The following EYA4 variants were observed in gnomAD, a reference collection of about 807,000 sequenced individuals.
EYA4 encodes the protein protein phosphatase EYA4.
EYA4 carries 31 observed loss-of-function variants against 87.9 expected under a neutral mutation model. The observed-to-expected ratio is 0.35, with a 90% CI of 0.27 to 0.48. EYA4 has a LOEUF of 0.48. EYA4 is among the 20% of genes least tolerant of loss of function. EYA4 has a pLI of 0.99. For missense variants in EYA4, 678 were observed against 761.4 expected (o/e 0.89, Z 1.29); for synonymous variants, 263 against 270.6 (o/e 0.97, Z 0.28).
intron 1 of EYA4, among the ~76,000 whole-genome samples, chr6:133,261,554 C>T (rs1038740557): frequency 7.9e-5 from 12 of 152,052 alleles, no homozygotes; most frequent in Non-Finnish European, 1.6e-4. Context: ...ATGACTTAAT[C>T]GAGGAGTTGT....
At chr6:133,387,767 A>G (rs1786877474) in intron 3 of EYA4, among the ~76,000 whole-genome samples, 1 of 152,200 alleles carries the variant, frequency 6.6e-6, no homozygotes, top group Non-Finnish European at 1.5e-5. Context: ...GAGTCATATT[A>G]TAGCTTAATC....
chr6:133,423,786 T>A (rs1790419727), intron 3 of EYA4, among the ~76,000 whole-genome samples: 1 of 152,194 alleles, frequency 6.6e-6, no homozygotes, highest in African/African-American at 2.4e-5. Flanking sequence ...CTCCTGCCCC[T>A]TAATAATTTA....
chr6:133,257,877 A>G (rs1359952568), intron 1 of EYA4, among the ~76,000 whole-genome samples: 1 of 150,102 alleles, frequency 6.7e-6, no homozygotes, highest in Non-Finnish European at 1.5e-5. Flanking sequence ...GCATGCATTT[A>G]TGCACTATTG....
chr6:133,321,038 G>C (rs947728577), intron 2 of EYA4, among the ~76,000 whole-genome samples: 2 of 152,152 alleles, frequency 1.3e-5, no homozygotes, highest in Admixed American at 6.5e-5. Context: ...GCACTTCAAA[G>C]ATGTTATCCT....
intron 13 of EYA4, among the ~76,000 whole-genome samples, chr6:133,492,774 C>T (rs1797299714): frequency 6.6e-6 from 1 of 152,192 alleles, no homozygotes; most frequent in South Asian, 2.1e-4. Flanking sequence ...CAGAATCAAT[C>T]AACATACAAA....
At chr6:133,381,978 T>C (rs1030902344) in intron 2 of EYA4, among the ~76,000 whole-genome samples, 1 of 152,218 alleles carries the variant, frequency 6.6e-6, no homozygotes, top group Non-Finnish European at 1.5e-5. Flanking sequence ...ATGAACATTT[T>C]AGTTAATGCT....
intron 2 of EYA4, among the ~76,000 whole-genome samples, chr6:133,333,078 C>G (rs1782103364): frequency 6.6e-6 from 1 of 152,094 alleles, no homozygotes; most frequent in Non-Finnish European, 1.5e-5. Flanking sequence ...TTATTTTAGA[C>G]CTACCATGTG....
chr6:133,321,102 G>A (rs1414517408), intron 2 of EYA4, among the ~76,000 whole-genome samples: 1 of 152,162 alleles, frequency 6.6e-6, no homozygotes, highest in Non-Finnish European at 1.5e-5. Context: ...TGAATGACAC[G>A]TTGTTGCTAA....
At chr6:133,315,544 C>A (rs1780558721) in intron 2 of EYA4, among the ~76,000 whole-genome samples, 1 of 150,182 alleles carries the variant, frequency 6.7e-6, no homozygotes, top group Admixed American at 6.6e-5. Context: ...GAGAATTCTC[C>A]TTCCAAAATG....
intron 19 of EYA4, among the ~76,000 whole-genome samples, chr6:133,527,159 T>G (rs929010799): frequency 3.3e-5 from 5 of 152,224 alleles, no homozygotes; most frequent in African/African-American, 1.2e-4. Flanking sequence ...TATTATTCTA[T>G]TTTAAAACAG....
chr6:133,371,463 C>A (rs553131345), intron 2 of EYA4, among the ~76,000 whole-genome samples: 1 of 151,960 alleles, frequency 6.6e-6, no homozygotes, highest in East Asian at 1.9e-4. Flanking sequence ...GTTTTCTAAC[C>A]GAAAGTTCAC....
intron 2 of EYA4, among the ~76,000 whole-genome samples, chr6:133,301,521 T>C (rs574139710): frequency 6.6e-6 from 1 of 152,352 alleles, no homozygotes; most frequent in Non-Finnish European, 1.5e-5. Context: ...ACATATGATA[T>C]TAATAGCCAG....
At chr6:133,438,581 T>A (rs1791935265) in intron 3 of EYA4, among the ~76,000 whole-genome samples, 2 of 151,892 alleles carry the variant, frequency 1.3e-5, no homozygotes, top group Admixed American at 1.3e-4. Context: ...TCTGTTCCAC[T>A]TTATGGACGC....
At chr6:133,329,135 A>G (rs1160553409) in intron 2 of EYA4, among the ~76,000 whole-genome samples, 1 of 152,092 alleles carries the variant, frequency 6.6e-6, no homozygotes, top group Non-Finnish European at 1.5e-5. Flanking sequence ...AACAACAATT[A>G]ATTCTAGTAA....
intron 2 of EYA4, among the ~76,000 whole-genome samples, chr6:133,368,651 T>C (rs1167862661): frequency 1.3e-5 from 2 of 152,304 alleles, no homozygotes; most frequent in East Asian, 3.9e-4. Context: ...AAATGGGATC[T>C]CTGGCGCTCT....
intron 19 of EYA4, 152 bp from the exon 20 acceptor site, chr6:133,528,573 A>G: frequency 1.3e-6 from 1 of 764,814 alleles, no homozygotes; most frequent in Non-Finnish European, 2.4e-6. Flanking sequence ...TTCACATATG[A>G]TCATCCCGCC....
intron 6 of EYA4, 102 bp from the exon 7 acceptor site, chr6:133,461,012 C>T: frequency 1.2e-6 from 1 of 820,738 alleles, no homozygotes; most frequent in Non-Finnish European, 2.2e-6. Context: ...TTTCTGGAAA[C>T]ATGTATTTAA....
At chr6:133,449,593 G>A (rs1464041189) in intron 5 of EYA4, among the ~76,000 whole-genome samples, 1 of 152,136 alleles carries the variant, frequency 6.6e-6, no homozygotes, top group Non-Finnish European at 1.5e-5. Context: ...GGCCACTGTG[G>A]ATCTGGATCT....
chr6:133,530,334 A>G lies in EYA4; in HGVS notation c.*1529A>G, dbSNP rs1800935973. On this transcript the variant is annotated 3_prime_UTR_variant, in exon 20 of 20. Coordinates refer to ENST00000355286, the MANE Select transcript of EYA4 (RefSeq NM_004100.5). ...AAGAGCCCATCATCGTTGTGTTTGC[A>G]TGGTTTTTTTCCTTGTGTGTAGCCC... The G allele has an allele frequency of 2.0e-6, 2 of 985,288 alleles. No individual in the cohort carries two copies. Among genetic ancestry groups the G allele is most frequent in the Admixed American group, 6.2e-5 (1 of 16,254 alleles). 61.0% of individuals were successfully genotyped at this position (985,288 alleles called of 1,614,324 possible).
Sources: gnomAD v4.1 joint callset for allele counts (sites outside exome capture counted in the v4.1 genomes callset) on GRCh38, gnomAD v4.1.1 for gene constraint, MANE v1.5 for transcripts, NCBI Gene and HGNC (gene_info 2026-07-23, HGNC 2026-07-21) for gene names.